DHX37: variants seen among roughly 807,000 people sequenced by gnomAD.
The protein encoded by DHX37 is DEAH-box helicase 37.
Under a neutral mutation model 134.3 loss-of-function variants are expected in DHX37, and 52 were observed. That is an observed-to-expected ratio of 0.39 (90% CI 0.31 to 0.49). The LOEUF (loss-of-function observed/expected upper bound fraction) is 0.49. DHX37 is among the 20% of genes least tolerant of loss of function. DHX37 has a pLI of 0.93. For synonymous variants in DHX37, 634 were observed against 670.7 expected, an observed-to-expected ratio of 0.95 and a Z score of 0.85; for missense variants, 1,344 against 1,580.8, an observed-to-expected ratio of 0.85 and a Z score of 2.54.
In DHX37 at chr12:124,953,908, C is replaced by G. The variant is rs768630511; in HGVS notation, c.2667G>C (p.Arg889=). 2 of 1,612,216 alleles carry G rather than the reference C, an allele frequency of 1.2e-6. No individual in the cohort carries two copies. Among genetic ancestry groups the G allele is most frequent in the Admixed American group, 3.3e-5 (2 of 59,932 alleles). ...CGGTGGTCAGCTGGCCCCGCAGGCG[C>G]CGGATCTCCATCATGGCTTTGTACC... ...GLRYKAMMEI[R]RLRGQLTTAV... is the part of the protein sequence containing the mutation. Residue 889 remains arginine (R), a synonymous_variant, in exon 20 of 27, where the codon CGG becomes CGC. Transcript: ENST00000308736.
At chr12:124,954,314 T>A in intron 18 of DHX37, 103 bp from the exon 19 acceptor site, 1 of 1,468,178 alleles carries the variant, frequency 6.8e-7, no homozygotes. Flanking sequence ...AGAGGCCTTG[T>A]GGGGTCACTG....
chr12:124,965,117 T>C (rs907296588), intron 13 of DHX37, 111 bp from the exon 14 acceptor site: 4 of 1,251,448 alleles, frequency 3.2e-6, no homozygotes, highest in Non-Finnish European at 4.4e-6. Flanking sequence ...GCTCCTTTCT[T>C]TGCCCTGCTG....
intron 15 of DHX37, among the ~76,000 whole-genome samples, chr12:124,961,378 T>A (rs1954261818): frequency 6.6e-6 from 1 of 152,164 alleles, no homozygotes; most frequent in South Asian, 2.1e-4. Flanking sequence ...GAGAAAATAT[T>A]TGTCAATGAC....
chr12:124,970,998 C>A (rs1396855377), intron 8 of DHX37, among the ~76,000 whole-genome samples: 2 of 152,242 alleles, frequency 1.3e-5, no homozygotes, highest in Non-Finnish European at 1.5e-5. Context: ...CATCAACCAG[C>A]CCCATTGCGC....
chr12:124,972,677 C>T (rs572669090), intron 6 of DHX37, 78 bp from the exon 7 acceptor site: 67 of 1,465,010 alleles, frequency 4.6e-5, no homozygotes, highest in South Asian at 3.9e-4. Flanking sequence ...CAAGGCAGGC[C>T]GTGGAGCAGG....
chr12:124,979,590 T>G (rs2135965373), intron 4 of DHX37, among the ~76,000 whole-genome samples: 1 of 152,286 alleles, frequency 6.6e-6, no homozygotes, highest in African/African-American at 2.4e-5. Flanking sequence ...GTAAAGGACA[T>G]GATGCCACTT....
intron 7 of DHX37, among the ~76,000 whole-genome samples, chr12:124,971,920 G>A (rs189461407): frequency 6.6e-6 from 1 of 152,354 alleles, no homozygotes; most frequent in East Asian, 1.9e-4. Context: ...GGCTGACTAG[G>A]GAGGCAGCAG....
At position 124,952,575 on chromosome 12, in the gene DHX37, G is replaced by A. The variant is rs746623101; in HGVS notation, c.2696-5C>T. Reference sequence around the variant, plus strand: ...CCTCGGGGCACACGGCATTGACTGAGGGGAGAACCAAGAGTGAGGTCGGTG... The same window carrying A: ...CCTCGGGGCACACGGCATTGACTGAAGGGAGAACCAAGAGTGAGGTCGGTG... On this transcript the variant is annotated splice_polypyrimidine_tract_variant and splice_region_variant and intron_variant, in intron 20 of 26. Transcript: ENST00000308736. 4 of 1,572,722 alleles carry A rather than the reference G, an allele frequency of 2.5e-6. No individual in the cohort carries two copies. Among genetic ancestry groups the A allele is most frequent in the Non-Finnish European group, 2.6e-6 (3 of 1,154,230 alleles).
intron 15 of DHX37, among the ~76,000 whole-genome samples, chr12:124,963,290 T>C (rs1405407154): frequency 3.9e-5 from 6 of 152,180 alleles, no homozygotes; most frequent in Non-Finnish European, 2.9e-5. Context: ...TTTATCTGAA[T>C]TGCCCACAAC....
intron 20 of DHX37, chr12:124,953,676 A>C: frequency 1.1e-6 from 1 of 899,236 alleles, no homozygotes; most frequent in South Asian, 1.8e-5. Context: ...GCAGGCTGGC[A>C]GCTCGAATCT....
In DHX37 at chr12:124,957,060, C is replaced by A; in HGVS notation, c.2233G>T (p.Gly745Cys). Residue 745 changes from glycine (G) to cysteine (C), a missense_variant, in exon 17 of 27, where the codon GGT becomes TGT. Transcript: ENST00000308736. ...LAAEELLIAL[G>C]ALQPPQKAER... ...GCTTTCTGGGGCGGTTGCAGGGCACCCAGTGCGATCAACAGCTCCTCGGCG... is the reference window on the plus strand; with the variant it reads ...GCTTTCTGGGGCGGTTGCAGGGCACACAGTGCGATCAACAGCTCCTCGGCG... 6.6e-7 allele frequency: 1 copy of A among 1,508,562 alleles called. No individual in the cohort carries two copies. Among genetic ancestry groups the A allele is most frequent in the South Asian group, 1.3e-5 (1 of 74,202 alleles). 93.4% of individuals were successfully genotyped at this position (1,508,562 alleles called of 1,614,324 possible). A position where few individuals can be genotyped will look rare whatever the true frequency, so the allele number is the denominator to read the frequency against.
intron 5 of DHX37, among the ~76,000 whole-genome samples, chr12:124,975,736 G>T (rs1202443980): frequency 6.6e-6 from 1 of 152,200 alleles, no homozygotes; most frequent in Non-Finnish European, 1.5e-5. Flanking sequence ...CCAGGCAGCC[G>T]CTAGAAGGAA....
At chr12:124,968,677 G>T in intron 9 of DHX37, 29 bp from the exon 10 acceptor site, 1 of 1,612,702 alleles carries the variant, frequency 6.2e-7, no homozygotes, top group South Asian at 1.1e-5. Flanking sequence ...GGCATGGGGA[G>T]TGGGGGGGAC....
In DHX37 at chr12:124,981,079, C is replaced by T. The variant is rs2135967685; in HGVS notation, c.390-241G>A. Among the ~76,000 whole-genome samples, 4 of 152,306 alleles carry T rather than the reference C, an allele frequency of 2.6e-5. No individual in the cohort carries two copies. In the East Asian group the frequency reaches 5.8e-4, roughly 22 times the overall value. The stretch of plus-strand genomic sequence containing the variant: ...CTCACCCTTCTCCCTCCACCTCGCT[C>T]TTCCCTGCTTCATTTTCTGCTCAGT... On this transcript the variant is annotated intron_variant, in intron 3 of 26. Coordinates refer to ENST00000308736, the MANE Select transcript of DHX37 (RefSeq NM_032656.4).
At chr12:124,971,804 C>T (rs575081505) in intron 7 of DHX37, among the ~76,000 whole-genome samples, 2 of 152,342 alleles carry the variant, frequency 1.3e-5, no homozygotes, top group East Asian at 3.9e-4. Context: ...CACCAGACAG[C>T]AGTCCCCCAC....
At chr12:124,951,283 A>G (rs1317529220) in intron 21 of DHX37, among the ~76,000 whole-genome samples, 1 of 254 alleles carries the variant, frequency 3.9e-3, no homozygotes, top group Non-Finnish European at 0.031. Flanking sequence ...CTCCTTCTCA[A>G]AAAAAAAAAA....
At chr12:124,959,181 A>C (rs1338949886) in intron 16 of DHX37, among the ~76,000 whole-genome samples, 4 of 147,244 alleles carry the variant, frequency 2.7e-5, no homozygotes, top group Non-Finnish European at 4.5e-5. Flanking sequence ...TCAAGTGATT[A>C]TCCTGCCTCA....
rs1194477776 is a variant in DHX37, at chr12:124,980,338, GC to G, written c.738+151del. 12 of 925,720 alleles carry G rather than the reference GC, an allele frequency of 1.3e-5. No individual in the cohort carries two copies. The highest frequency in any genetic ancestry group is 1.7e-5 in the Non-Finnish European group (11 of 641,220). The allele number at this position is 925,720 out of a possible 1,614,324, so 57.3% of individuals were successfully genotyped here. On this transcript the variant is annotated intron_variant, in intron 4 of 26. Transcript: ENST00000308736. This position sits in a 1 kb window ranked among gnomAD's most constrained non-coding sequence, Gnocchi z 5.3. The stretch of plus-strand genomic sequence containing the variant: ...TCCTCGCGCACCAATCCCTGCCACA[GC>G]CTCAAGGGAGGCGCAGTCACTCTCC...
chr12:124,955,214 T>G lies in DHX37; in HGVS notation c.2454-1003A>C, dbSNP rs1209027730. Among the ~76,000 whole-genome samples the G allele has an allele frequency of 2.6e-5, 4 of 152,356 alleles. No homozygotes were observed. The East Asian group carries it at 7.7e-4, about 29-fold the overall frequency. ...CTGGGTGTTTCTTTGAATTGGTGAC[T>G]GGCATAAAGCTACTGCCCTCCCCCA... On this transcript the variant is annotated intron_variant, in intron 18 of 26. Coordinates refer to ENST00000308736, the MANE Select transcript of DHX37 (RefSeq NM_032656.4).
Sources: allele counts gnomAD v4.1 joint callset (sites outside exome capture counted in the v4.1 genomes callset), GRCh38; gene constraint gnomAD v4.1.1; non-coding constraint Gnocchi (gnomAD v3.1); transcripts MANE v1.5; gene names NCBI Gene and HGNC (gene_info 2026-07-23, HGNC 2026-07-21).